The following STIM1 variants were observed in gnomAD, a reference collection of about 807,000 sequenced individuals.
STIM1 encodes the protein stromal interaction molecule 1.
In STIM1, 25 loss-of-function variants were observed where a neutral mutation model predicts 74.7. The ratio of observed to expected loss-of-function variants is 0.33; its 90% CI spans 0.24 to 0.47. The LOEUF (loss-of-function observed/expected upper bound fraction) is 0.47, where lower values mean the gene tolerates loss of function less well. Among genes scored for constraint, STIM1 ranks in the 20% least tolerant of loss-of-function variants. The pLI, the probability that STIM1 is intolerant of heterozygous loss-of-function variation, is 1.00. For synonymous variants in STIM1, 328 were observed against 348.8 expected (o/e 0.94, Z 0.66); for missense variants, 728 against 920.8 (o/e 0.79, Z 2.71).
intron 1 of STIM1, among the ~76,000 whole-genome samples, chr11:3,946,489 A>G (rs1020436979): frequency 6.6e-6 from 1 of 152,130 alleles, no homozygotes; most frequent in Non-Finnish European, 1.5e-5. Flanking sequence ...AGAAAGTAGC[A>G]TACTTTGAGA....
At chr11:3,942,012 A>G (rs1421326716) in intron 1 of STIM1, among the ~76,000 whole-genome samples, 2 of 152,182 alleles carry the variant, frequency 1.3e-5, no homozygotes, top group Non-Finnish European at 2.9e-5. Context: ...ATATAAAATG[A>G]TCAAAAATAG....
intron 7 of STIM1, 47 bp downstream of exon 7, chr11:4,074,726 G>T: frequency 1.9e-6 from 3 of 1,545,352 alleles, no homozygotes; most frequent in Middle Eastern, 1.7e-4. Context: ...GTGGGTAAAG[G>T]GCAGGGGCCC....
chr11:3,895,671 T>TTTCTTTCCTTCCTTCCTTCC (rs2092072574), intron 1 of STIM1, among the ~76,000 whole-genome samples: 5 of 43,344 alleles, frequency 1.2e-4, no homozygotes, highest in Non-Finnish European at 2.1e-4. Context: ...TCTTTCTTTC[T>TTTCTTTCCTTCCTTCCTTCC]TTCCTTCCTT....
chr11:4,045,022 C>T (rs2094179225), intron 3 of STIM1, among the ~76,000 whole-genome samples: 1 of 152,164 alleles, frequency 6.6e-6, no homozygotes, highest in Non-Finnish European at 1.5e-5. Flanking sequence ...GGCTCAGAAA[C>T]TCTGGTCTAG....
intron 2 of STIM1, among the ~76,000 whole-genome samples, chr11:4,022,646 A>C (rs537215348): frequency 6.6e-6 from 1 of 152,094 alleles, no homozygotes; most frequent in Non-Finnish European, 1.5e-5. Context: ...TATTCCTTCT[A>C]TACCTAATTT....
intron 12 of STIM1, chr11:4,088,487 C>CCATTCT (rs2094505620): frequency 1.9e-6 from 1 of 531,584 alleles, no homozygotes; most frequent in African/African-American, 1.9e-5. Context: ...CCACTCATAT[C>CCATTCT]CATTCTCATT....
intron 4 of STIM1, among the ~76,000 whole-genome samples, chr11:4,056,258 G>A (rs2094289324): frequency 6.6e-6 from 1 of 152,190 alleles, no homozygotes; most frequent in Non-Finnish European, 1.5e-5. Flanking sequence ...TCCAACAGCT[G>A]TTGTTTCATA....
intron 6 of STIM1, among the ~76,000 whole-genome samples, chr11:4,071,927 G>A (rs1367178468): frequency 2.0e-5 from 3 of 152,146 alleles, no homozygotes; most frequent in African/African-American, 7.2e-5. Flanking sequence ...TGGGCTTCTA[G>A]GGAGCAAGAG....
intron 1 of STIM1, among the ~76,000 whole-genome samples, chr11:3,879,358 C>G (rs545004452): frequency 1.3e-5 from 2 of 152,216 alleles, no homozygotes; most frequent in African/African-American, 4.8e-5. Context: ...CTGACTTATT[C>G]CAGGGACTTC....
intron 1 of STIM1, among the ~76,000 whole-genome samples, chr11:3,904,416 G>C (rs537219076): frequency 6.6e-6 from 1 of 151,864 alleles, no homozygotes; most frequent in African/African-American, 2.4e-5. Context: ...CTACTTGGAG[G>C]GAGTGGCACG....
chr11:3,986,541 C>T (rs1266146772), intron 2 of STIM1, among the ~76,000 whole-genome samples: 1 of 152,132 alleles, frequency 6.6e-6, no homozygotes, highest in Admixed American at 6.6e-5. Context: ...GTAAACAGAG[C>T]TGGCCCTAAT....
intron 1 of STIM1, among the ~76,000 whole-genome samples, chr11:3,943,580 G>C (rs2093036614): frequency 6.6e-6 from 1 of 152,092 alleles, no homozygotes; most frequent in African/African-American, 2.4e-5. Flanking sequence ...TTTTCCAAGA[G>C]AGCCACAGTC....
chr11:4,081,103 T>A (rs2094463156), intron 7 of STIM1, among the ~76,000 whole-genome samples: 1 of 152,196 alleles, frequency 6.6e-6, no homozygotes, highest in Admixed American at 6.5e-5. Context: ...TCCTGGCCTA[T>A]CTTAGCTGTG....
intron 11 of STIM1, 60 bp from the exon 12 acceptor site, chr11:4,086,417 C>A: frequency 6.3e-7 from 1 of 1,595,314 alleles, no homozygotes; most frequent in South Asian, 1.1e-5. Context: ...TGGGCACCTC[C>A]TTACCTGCCA....
chr11:4,074,508 C>T lies in STIM1; in HGVS notation c.798C>T (p.His266=). The change falls in exon 7 of 13, where the codon CAC becomes CAT. Residue 266 remains histidine, a synonymous_variant. Transcript: ENST00000526596. ...CCCTGCATTGCCCCCCCAGGCTGCA[C>T]AAGGCCCAGGAGGAGCACCGCACAG... ...QSLHDLQERL[H]KAQEEHRTVE... 14 of 1,613,712 alleles carry T rather than the reference C, an allele frequency of 8.7e-6. No individual in the cohort carries two copies. Among genetic ancestry groups the T allele is most frequent in the African/African-American group, 1.3e-5 (1 of 75,038 alleles).
intron 1 of STIM1, among the ~76,000 whole-genome samples, chr11:3,888,741 G>A (rs1264757834): frequency 2.0e-5 from 3 of 151,944 alleles, no homozygotes. Flanking sequence ...TAGTAGAGAC[G>A]GGGTTTCACC....
chr11:3,943,814 C>G (rs558245778), intron 1 of STIM1, among the ~76,000 whole-genome samples: 1 of 152,334 alleles, frequency 6.6e-6, no homozygotes, highest in South Asian at 2.1e-4. Flanking sequence ...AGACAACTTT[C>G]CTTTCATTTT....
At chr11:3,936,288 C>T (rs1467617724) in intron 1 of STIM1, among the ~76,000 whole-genome samples, 1 of 152,194 alleles carries the variant, frequency 6.6e-6, no homozygotes, top group Non-Finnish European at 1.5e-5. Flanking sequence ...TTTCATCTCT[C>T]AATTTGTGGT....
chr11:4,070,228 G>A (rs202198817), intron 6 of STIM1, 25 bp downstream of exon 6: 4 of 1,612,918 alleles, frequency 2.5e-6, no homozygotes, highest in Admixed American at 3.3e-5. Context: ...TTCAGGAAAG[G>A]TGAGGCCCTG....
Sources: allele counts gnomAD v4.1 joint callset (sites outside exome capture counted in the v4.1 genomes callset), GRCh38; gene constraint gnomAD v4.1.1; transcripts MANE v1.5; gene names NCBI Gene and HGNC (gene_info 2026-07-23, HGNC 2026-07-21).